Variants in MICALL1 observed in about 807,000 individuals in gnomAD.
The protein encoded by MICALL1 is MICAL like 1.
A neutral mutation model predicts 83.7 loss-of-function variants in MICALL1; 61 were observed. The observed-to-expected ratio is 0.73, with a 90% CI of 0.59 to 0.90. The LOEUF (loss-of-function observed/expected upper bound fraction) is 0.90, where lower values mean the gene tolerates loss of function less well. Among genes scored for constraint, MICALL1 ranks in the 40% least tolerant of loss-of-function variants. MICALL1 has a pLI of 0.00. For missense variants in MICALL1, 1,066 were observed against 1,152.0 expected (o/e 0.93, Z 1.08); for synonymous variants, 481 against 473.6 (o/e 1.02, Z -0.20).
At chr22:37,928,850 G>A (rs1233586887) in intron 9 of MICALL1, among the ~76,000 whole-genome samples, 3 of 152,156 alleles carry the variant, frequency 2.0e-5, no homozygotes, top group African/African-American at 4.8e-5. Context: ...CTGGCTGGGC[G>A]TGGTGGCTCA....
chr22:37,923,012 T>C (rs1044631938), intron 6 of MICALL1, among the ~76,000 whole-genome samples: 7 of 151,792 alleles, frequency 4.6e-5, no homozygotes. Flanking sequence ...CTCGGCTCAC[T>C]GCAACCTTTG....
At chr22:37,939,448 T>C (rs768112127) in intron 15 of MICALL1, among the ~76,000 whole-genome samples, 7 of 152,172 alleles carry the variant, frequency 4.6e-5, no homozygotes, top group Non-Finnish European at 7.3e-5. Flanking sequence ...GTAACAGAGC[T>C]GTGGGCACCA....
At chr22:37,939,773 CAAAAAAAAA>C (rs147934175) in intron 15 of MICALL1, among the ~76,000 whole-genome samples, 1 of 44,466 alleles carries the variant, frequency 2.2e-5, no homozygotes, top group Non-Finnish European at 4.0e-5. Context: ...GTCTCCGTCT[CAAAAAAAAA>C]AAAAAAAAAA....
intron 3 of MICALL1, among the ~76,000 whole-genome samples, chr22:37,913,876 C>CTT (rs60697387): frequency 0.33 from 45,849 of 138,428 alleles, 8,295 homozygotes; most frequent in Non-Finnish European, 0.4. Context: ...TGGCCCAACT[C>CTT]TTTTTTTTTT....
intron 1 of MICALL1, among the ~76,000 whole-genome samples, chr22:37,911,566 C>A (rs2145878977): frequency 6.6e-6 from 1 of 152,346 alleles, no homozygotes; most frequent in South Asian, 2.1e-4. Context: ...GCACTGCGCC[C>A]TGGGGGAGGT....
Position 37,925,808 on chromosome 22 carries a change from G to A in MICALL1, c.1230G>A (p.Val410=), listed in dbSNP as rs779042382. ...TGGAGAATGGAGGCACCGAGGAGGT[G>A]GCCCAGCCGAGCCCAACGGCCAGCC... ...RQVENGGTEE[V]AQPSPTASLE... Residue 410 remains valine (V), a synonymous_variant, in exon 8 of 16, where the codon GTG becomes GTA. Transcript: ENST00000215957. 3.1e-6 allele frequency: 5 copies of A among 1,613,596 alleles called. No homozygotes were observed. In the Admixed American group the frequency reaches 6.7e-5, roughly 22 times the overall value.
chr22:37,928,003 G>A (rs551759748), intron 9 of MICALL1, among the ~76,000 whole-genome samples, 177 bp downstream of exon 9: 36 of 152,210 alleles, frequency 2.4e-4, no homozygotes, highest in Non-Finnish European at 4.6e-4. Flanking sequence ...TGCCTCCTGG[G>A]TTCACGCCAT....
intron 13 of MICALL1, among the ~76,000 whole-genome samples, chr22:37,935,872 G>A (rs2145951354): frequency 6.6e-6 from 1 of 152,104 alleles, no homozygotes; most frequent in South Asian, 2.1e-4. Context: ...TGGGATTTCA[G>A]GTGTGTGCCA....
chr22:37,932,737 C>T lies in MICALL1; in HGVS notation c.2143+58C>T. The T allele has an allele frequency of 1.9e-6, 3 of 1,612,812 alleles. No homozygotes were observed. The highest frequency in any genetic ancestry group is 2.5e-6 in the Non-Finnish European group (3 of 1,179,482). On this transcript the variant is annotated intron_variant, in intron 11 of 15. Transcript: ENST00000215957. The surrounding 1 kb of genome is among the most constrained non-coding windows in gnomAD (Gnocchi z 4.4). ...GGGCTGGGGGCAGGAGCCTCTATTCCCCGGGGAACTGAGCCAGGCATGGCA... is the reference window on the plus strand; with the variant it reads ...GGGCTGGGGGCAGGAGCCTCTATTCTCCGGGGAACTGAGCCAGGCATGGCA...
chr22:37,917,945 T>G, intron 4 of MICALL1, 150 bp downstream of exon 4: 1 of 688,032 alleles, frequency 1.5e-6, no homozygotes, highest in Non-Finnish European at 2.5e-6. Flanking sequence ...CTATTGGCTT[T>G]GGGAACAGGT....
chr22:37,927,163 G>A lies in MICALL1; in HGVS notation c.1466-248G>A, dbSNP rs1468811544. 3.0e-5 allele frequency: 15 copies of A among 495,916 alleles called. No homozygotes were observed. The East Asian group carries it at 4.0e-4, about 13-fold the overall frequency. The allele number at this position is 495,916 out of a possible 1,614,324, so 30.7% of individuals were successfully genotyped here. On this transcript the variant is annotated intron_variant, in intron 8 of 15. Transcript: ENST00000215957. ...GTGGGTGCCCTCATGGGGGCTATGG[G>A]GAGTGTGGGGAAGTGGAGGCAGCAG...
chr22:37,916,479 C>T (rs1273963469), intron 3 of MICALL1, among the ~76,000 whole-genome samples: 1 of 152,228 alleles, frequency 6.6e-6, no homozygotes, highest in African/African-American at 2.4e-5. Flanking sequence ...GGCTGTTCGA[C>T]TCCCCCAGAT....
intron 3 of MICALL1, among the ~76,000 whole-genome samples, chr22:37,916,917 G>A (rs1292121652): frequency 6.6e-6 from 1 of 152,130 alleles, no homozygotes; most frequent in Non-Finnish European, 1.5e-5. Context: ...AGGCTGGAGT[G>A]CAGTGGCGCG....
In MICALL1 at chr22:37,927,647, G is replaced by A. The variant is rs1929545930; in HGVS notation, c.1702G>A (p.Glu568Lys). The change falls in exon 9 of 16, where the codon GAG (glutamate) becomes AAG (lysine). Residue 568 changes from glutamate (E) to lysine (K), a missense_variant. Coordinates refer to ENST00000215957, the MANE Select transcript of MICALL1 (RefSeq NM_033386.4). ...SSLASSGELV[E>K]PRVEQMPQAS... is the part of the protein sequence containing the mutation. ...CCTGGCCTCCTCTGGGGAACTAGTG[G>A]AGCCTAGAGTGGAACAAATGCCTCA... 1 of 1,614,164 alleles carries A rather than the reference G, an allele frequency of 6.2e-7. No homozygotes were observed. Among genetic ancestry groups the A allele is most frequent in the East Asian group, 2.2e-5 (1 of 44,868 alleles).
In MICALL1 at chr22:37,930,778, A is replaced by C. The variant is rs1214782289; in HGVS notation, c.1882-1021A>C. 6.6e-6 allele frequency among the ~76,000 whole-genome samples: 1 copy of C among 152,190 alleles called. No homozygotes were observed. The highest frequency in any genetic ancestry group is 1.5e-5 in the Non-Finnish European group (1 of 68,028). ...GTGTGGGTACTGGGCTGTGCAGCAG[A>C]GGATGAGATCTTTCTCTGGCAGGGA... On this transcript the variant is annotated intron_variant, in intron 9 of 15. Coordinates refer to ENST00000215957, the MANE Select transcript of MICALL1 (RefSeq NM_033386.4). This position sits in a 1 kb window ranked among gnomAD's most constrained non-coding sequence, Gnocchi z 4.8.
At position 37,932,784 on chromosome 22, in the gene MICALL1, T is replaced by C. The variant is rs766115250; in HGVS notation, c.2144-14T>C. 1 of 1,613,864 alleles carries C rather than the reference T, an allele frequency of 6.2e-7. No individual in the cohort carries two copies. Among genetic ancestry groups the C allele is most frequent in the Non-Finnish European group, 8.5e-7 (1 of 1,179,942 alleles). On this transcript the variant is annotated splice_polypyrimidine_tract_variant and intron_variant, in intron 11 of 15. Coordinates refer to ENST00000215957, the MANE Select transcript of MICALL1 (RefSeq NM_033386.4). This position sits in a 1 kb window ranked among gnomAD's most constrained non-coding sequence, Gnocchi z 4.4. ...GGCAGCCAGCCCTGGCCTCAGTGGG[T>C]ATCTGGCTTCCAGAGGGCCGTGAGG...
Position 37,927,697 on chromosome 22 carries a change from G to C in MICALL1, c.1752G>C (p.Arg584Ser), listed in dbSNP as rs751231683. The change falls in exon 9 of 16, where the codon AGG becomes AGC. Residue 584 changes from arginine (R) to serine (S), a missense_variant. Arg to Ser is a moderately radical substitution (Grantham distance 110). Transcript: ENST00000215957. ...AAGCCAGCCCTGGCCTTGCCCCCAGGACCAGGGGCAGCTCAGGTCCCCAGC... is the reference window on the plus strand; with the variant it reads ...AAGCCAGCCCTGGCCTTGCCCCCAGCACCAGGGGCAGCTCAGGTCCCCAGC... ...MPQASPGLAP[R>S]TRGSSGPQPA... The C allele has an allele frequency of 6.2e-7, 1 of 1,614,088 alleles. No homozygotes were observed. The highest frequency in any genetic ancestry group is 2.2e-5 in the East Asian group (1 of 44,880).
chr22:37,932,484 C>T lies in MICALL1; in HGVS notation c.2017-69C>T. ...TGGAGCCACCAGTGGCCAATGCTGG[C>T]CAGAGAAGAGGGCAAGGCTCCTGGC... On this transcript the variant is annotated intron_variant, in intron 10 of 15. Coordinates refer to ENST00000215957, the MANE Select transcript of MICALL1 (RefSeq NM_033386.4). The surrounding 1 kb of genome is among the most constrained non-coding windows in gnomAD (Gnocchi z 4.4). 2 of 1,592,038 alleles carry T rather than the reference C, an allele frequency of 1.3e-6. No homozygotes were observed. The highest frequency in any genetic ancestry group is 1.7e-6 in the Non-Finnish European group (2 of 1,167,374).
At chr22:37,912,908 G>T (rs926405669) in intron 3 of MICALL1, among the ~76,000 whole-genome samples, 13 of 150,954 alleles carry the variant, frequency 8.6e-5, no homozygotes, top group African/African-American at 3.2e-4. Context: ...TGATCTGCCC[G>T]CCTTGGCCTC....
Sources: gnomAD v4.1 joint callset for allele counts (sites outside exome capture counted in the v4.1 genomes callset) on GRCh38, gnomAD v4.1.1 for gene constraint, Gnocchi (gnomAD v3.1) non-coding constraint, MANE v1.5 for transcripts, NCBI Gene and HGNC (gene_info 2026-07-23, HGNC 2026-07-21) for gene names.